The following HDAC9 variants were observed in gnomAD, a reference collection of about 807,000 sequenced individuals.
HDAC9 encodes the protein MEF-2 interacting transcription repressor (MITR) protein.
A neutral mutation model predicts 139.4 loss-of-function variants in HDAC9; 41 were observed. The ratio of observed to expected loss-of-function variants is 0.29; its 90% confidence interval spans 0.23 to 0.38. The LOEUF is 0.38. Among genes scored for constraint, HDAC9 ranks in the 10% least tolerant of loss-of-function variants. The pLI, the probability that HDAC9 is intolerant of heterozygous loss-of-function variation, is 1.00. For missense variants in HDAC9, 1,147 were observed against 1,297.0 expected (o/e 0.88, Z 1.78); for synonymous variants, 517 against 476.2 (o/e 1.09, Z -1.12).
At chr7:18,763,342 G>A (rs1291816530) in intron 15 of HDAC9, among the ~76,000 whole-genome samples, 1 of 152,174 alleles carries the variant, frequency 6.6e-6, no homozygotes, top group Admixed American at 6.5e-5. Context: ...GCAGGCATAT[G>A]AGTGAGCATA....
intron 22 of HDAC9, among the ~76,000 whole-genome samples, chr7:18,933,780 A>G (rs1361733343): frequency 4.6e-5 from 7 of 152,182 alleles, no homozygotes; most frequent in Non-Finnish European, 5.9e-5. Flanking sequence ...AGAAGAAATA[A>G]AAACATAAAC....
At chr7:18,609,494 C>G (rs1460174339) in intron 6 of HDAC9, among the ~76,000 whole-genome samples, 2 of 152,148 alleles carry the variant, frequency 1.3e-5, no homozygotes, top group Non-Finnish European at 2.9e-5. Flanking sequence ...AGACAGAGTT[C>G]ACTAATCAGT....
chr7:18,086,981 G>T (rs926800119), exon 1 of HDAC9: 1 of 148,436 alleles, frequency 6.7e-6, no homozygotes, highest in Non-Finnish European at 1.5e-5. Flanking sequence ...CGCCGCGCCC[G>T]CCGCTCTCGC....
At chr7:18,968,436 G>C (rs1236980104) in intron 24 of HDAC9, among the ~76,000 whole-genome samples, 3 of 151,720 alleles carry the variant, frequency 2.0e-5, no homozygotes, top group Non-Finnish European at 4.4e-5. Context: ...GATAGAGATA[G>C]AGAGATATAT....
At chr7:18,894,644 G>A (rs963862298) in intron 22 of HDAC9, among the ~76,000 whole-genome samples, 6 of 152,098 alleles carry the variant, frequency 3.9e-5, no homozygotes, top group African/African-American at 1.4e-4. Flanking sequence ...ACGGGGAAGA[G>A]ATCAATGGAG....
At chr7:18,507,638 T>C (rs895102609) in intron 2 of HDAC9, among the ~76,000 whole-genome samples, 6 of 152,112 alleles carry the variant, frequency 3.9e-5, no homozygotes, top group African/African-American at 1.4e-4. Context: ...ATTACACGCA[T>C]GTGCCACCAA....
chr7:18,226,080 C>T (rs1408617811), intron 2 of HDAC9, among the ~76,000 whole-genome samples: 1 of 152,118 alleles, frequency 6.6e-6, no homozygotes, highest in Non-Finnish European at 1.5e-5. Context: ...TTGAAATGTA[C>T]TTAACTGTAA....
At chr7:18,319,090 G>A (rs957471254) in intron 1 of HDAC9, among the ~76,000 whole-genome samples, 2 of 152,152 alleles carry the variant, frequency 1.3e-5, no homozygotes, top group Non-Finnish European at 2.9e-5. Flanking sequence ...AGCATTTACC[G>A]TAATTGTTGA....
At chr7:18,780,712 G>A (rs1195827447) in intron 16 of HDAC9, among the ~76,000 whole-genome samples, 2 of 151,988 alleles carry the variant, frequency 1.3e-5, no homozygotes, top group African/African-American at 4.8e-5. Flanking sequence ...GTAAAGAACA[G>A]TATCACTATA....
chr7:18,598,389 C>A (rs543471185), intron 6 of HDAC9, among the ~76,000 whole-genome samples: 1 of 152,172 alleles, frequency 6.6e-6, no homozygotes, highest in South Asian at 2.1e-4. Context: ...TTTAATGAAT[C>A]TTATACTAGT....
intron 2 of HDAC9, among the ~76,000 whole-genome samples, chr7:18,174,101 G>T (rs1293654762): frequency 6.6e-6 from 1 of 151,902 alleles, no homozygotes; most frequent in East Asian, 1.9e-4. Context: ...ATGTAGATTT[G>T]GTCTTTTCGC....
chr7:18,576,275 G>C (rs1202466946), intron 2 of HDAC9, among the ~76,000 whole-genome samples: 2 of 152,152 alleles, frequency 1.3e-5, no homozygotes, highest in African/African-American at 4.8e-5. Context: ...AGAGACGGAG[G>C]CTCCACTGAT....
chr7:18,819,310 A>T (rs1794793876), intron 17 of HDAC9, among the ~76,000 whole-genome samples: 1 of 152,178 alleles, frequency 6.6e-6, no homozygotes, highest in South Asian at 2.1e-4. Context: ...TAAATTTTAA[A>T]AACCAACAAA....
intron 6 of HDAC9, among the ~76,000 whole-genome samples, chr7:18,604,810 T>G (rs185257265): frequency 6.6e-6 from 1 of 152,306 alleles, no homozygotes; most frequent in African/African-American, 2.4e-5. Flanking sequence ...TGTTGCATGT[T>G]GCCAACTTCC....
chr7:18,396,137 CCCTTCCTTCTTTCCTTG>C (rs1787032048), intron 1 of HDAC9, among the ~76,000 whole-genome samples: 1 of 135,018 alleles, frequency 7.4e-6, no homozygotes, highest in African/African-American at 3.0e-5. Flanking sequence ...CCCTTGCCTT[CCCTTCCTTCTTTCCTTG>C]TTTCCTTCTT....
intron 2 of HDAC9, among the ~76,000 whole-genome samples, chr7:18,557,746 ATTAT>A (rs1335658358): frequency 6.7e-6 from 1 of 149,456 alleles, no homozygotes; most frequent in Non-Finnish European, 1.5e-5. Flanking sequence ...AGTATTATAA[ATTAT>A]TTTTATAATT....
chr7:18,451,162 C>T (rs527662102), intron 1 of HDAC9, among the ~76,000 whole-genome samples: 2 of 152,014 alleles, frequency 1.3e-5, no homozygotes, highest in Non-Finnish European at 2.9e-5. Context: ...CTTGTGGGCC[C>T]CTTTGCCCTT....
At chr7:18,505,389 TA>T (rs1287015281) in intron 2 of HDAC9, among the ~76,000 whole-genome samples, 3 of 152,234 alleles carry the variant, frequency 2.0e-5, no homozygotes, top group African/African-American at 7.2e-5. Flanking sequence ...GTAAGGTTAA[TA>T]AAGCCTATAT....
intron 2 of HDAC9, among the ~76,000 whole-genome samples, chr7:18,263,631 C>T (rs1447553082): frequency 1.4e-5 from 2 of 143,866 alleles, no homozygotes; most frequent in African/African-American, 2.6e-5. Context: ...TTTTTTGAGA[C>T]CGAGTCTTGC....
Sources: gnomAD v4.1 joint callset for allele counts (sites outside exome capture counted in the v4.1 genomes callset) on GRCh38, gnomAD v4.1.1 for gene constraint, MANE v1.5 for transcripts, NCBI Gene and HGNC (gene_info 2026-07-23, HGNC 2026-07-21) for gene names.